The following VPS13C variants were observed in gnomAD, a reference collection of about 807,000 sequenced individuals.
VPS13C encodes the protein intermembrane lipid transfer protein VPS13C.
A neutral mutation model predicts 456.8 loss-of-function variants in VPS13C; 358 were observed. The ratio of observed to expected loss-of-function variants is 0.78; its 90% CI spans 0.72 to 0.86. The LOEUF (loss-of-function observed/expected upper bound fraction) is 0.86. Ranked by LOEUF, VPS13C falls within the 40% of genes least tolerant of loss-of-function variation. The pLI is 0.00. For synonymous variants in VPS13C, 1,578 were observed against 1,486.7 expected, an observed-to-expected ratio of 1.06 and a Z score of -1.41; for missense variants, 4,818 against 4,385.4, an observed-to-expected ratio of 1.10 and a Z score of -2.79.
Position 61,961,736 on chromosome 15 carries a change from T to G in VPS13C, c.3761A>C (p.Gln1254Pro). 1 of 1,614,040 alleles carries G rather than the reference T, an allele frequency of 6.2e-7. No individual in the cohort carries two copies. Among genetic ancestry groups the G allele is most frequent in the Non-Finnish European group, 8.5e-7 (1 of 1,179,956 alleles). Reference sequence around the variant, plus strand: ...TACTGCATTGGTGGAAATAGAAGACTGTGGGATGACTATAACCGGTGCTTT... The same window carrying G: ...TACTGCATTGGTGGAAATAGAAGACGGTGGGATGACTATAACCGGTGCTTT... ...DLKAPVIVIP[Q>P]SSISTNAVVV... The change falls in exon 35 of 85, where the codon CAG becomes CCG. Residue 1254 changes from glutamine (Q) to proline (P), a missense_variant. Transcript: ENST00000644861.
chr15:62,012,851 T>C (rs1175357251), intron 11 of VPS13C, among the ~76,000 whole-genome samples, 188 bp downstream of exon 11: 2 of 151,922 alleles, frequency 1.3e-5, no homozygotes, highest in Non-Finnish European at 2.9e-5. Flanking sequence ...TTCACAAACA[T>C]CTTCAAAAAC....
intron 24 of VPS13C, 43 bp downstream of exon 24, chr15:61,977,039 T>C: frequency 7.2e-7 from 1 of 1,382,542 alleles, no homozygotes; most frequent in South Asian, 1.2e-5. Flanking sequence ...GCAGACATAT[T>C]TCACCTGTTG....
At chr15:61,951,646 A>T (rs1400741243) in intron 39 of VPS13C, among the ~76,000 whole-genome samples, 178 bp downstream of exon 39, 1 of 152,230 alleles carries the variant, frequency 6.6e-6, no homozygotes, top group Non-Finnish European at 1.5e-5. Context: ...CTAATAAATT[A>T]ACCCAGCTTT....
At chr15:61,941,098 T>C (rs1366987457) in intron 46 of VPS13C, among the ~76,000 whole-genome samples, 1 of 152,198 alleles carries the variant, frequency 6.6e-6, no homozygotes, top group African/African-American at 2.4e-5. Flanking sequence ...AGCGAATAGT[T>C]TACTGTCATG....
At chr15:61,982,110 A>C (rs1325910123) in intron 21 of VPS13C, among the ~76,000 whole-genome samples, 1 of 152,210 alleles carries the variant, frequency 6.6e-6, no homozygotes, top group East Asian at 1.9e-4. Flanking sequence ...TTTAGAGGTC[A>C]TGTTATACAA....
intron 84 of VPS13C, 147 bp downstream of exon 84, chr15:61,854,724 A>T (rs894939274): frequency 2.1e-6 from 2 of 967,772 alleles, no homozygotes; most frequent in Admixed American, 2.5e-5. Flanking sequence ...CTTGCACCCG[A>T]CTGAGTCCAC....
At chr15:62,044,171 C>G (rs778799985) in intron 2 of VPS13C, 41 bp downstream of exon 2, 20 of 1,379,224 alleles carry the variant, frequency 1.5e-5, no homozygotes, top group South Asian at 2.6e-5. Flanking sequence ...AAGAACTTAC[C>G]AAATTAAGTG....
chr15:61,988,072 T>C (rs149548408), intron 18 of VPS13C, among the ~76,000 whole-genome samples: 2 of 152,168 alleles, frequency 1.3e-5, no homozygotes, highest in Non-Finnish European at 1.5e-5. Flanking sequence ...TACAGACACA[T>C]ACTCAACATG....
chr15:61,892,611 G>T (rs2042685392), intron 66 of VPS13C, among the ~76,000 whole-genome samples: 1 of 152,112 alleles, frequency 6.6e-6, no homozygotes, highest in Non-Finnish European at 1.5e-5. Context: ...AGAAACAACA[G>T]CAAGCAGGGA....
chr15:61,940,570 T>C (rs62007762), intron 47 of VPS13C, 77 bp downstream of exon 47: 37 of 1,384,522 alleles, frequency 2.7e-5, no homozygotes, highest in Admixed American at 1.3e-4. Context: ...TACATTCTGA[T>C]ATCCACTAGA....
intron 12 of VPS13C, among the ~76,000 whole-genome samples, chr15:62,011,642 G>C (rs1159724820): frequency 6.6e-6 from 1 of 151,932 alleles, no homozygotes; most frequent in Non-Finnish European, 1.5e-5. Context: ...CTTTGTTAGA[G>C]ATCCAGTTGT....
rs74949174 is a variant in VPS13C at position 61,883,217 on chromosome 15, T to G, written c.9484-481A>C. Among the ~76,000 whole-genome samples, 87 of 150,852 alleles carry G rather than the reference T, an allele frequency of 5.8e-4. 1 individual carries two copies. The highest frequency in any genetic ancestry group is 3.5e-3 in the Middle Eastern group (1 of 288). On this transcript the variant is annotated intron_variant, in intron 68 of 84. Transcript: ENST00000644861. Reference sequence around the variant, plus strand: ...AATTTTATTATCTTTTTTTTTTTTTTGTAGAGACAAGGTCTCACTATGTTG... The same window carrying G: ...AATTTTATTATCTTTTTTTTTTTTTGGTAGAGACAAGGTCTCACTATGTTG...
intron 61 of VPS13C, among the ~76,000 whole-genome samples, chr15:61,913,990 GATAA>G (rs1234016000): frequency 1.1e-4 from 16 of 152,134 alleles, no homozygotes; most frequent in South Asian, 6.2e-4. Flanking sequence ...GAGGTGAGAG[GATAA>G]ATAGTTTACT....
At chr15:61,986,387 A>G (rs1351390383) in intron 18 of VPS13C, among the ~76,000 whole-genome samples, 1 of 152,216 alleles carries the variant, frequency 6.6e-6, no homozygotes, top group Non-Finnish European at 1.5e-5. Flanking sequence ...TAAGAATTCA[A>G]TAAATGAGTT....
chr15:61,895,203 A>G (rs748735852), intron 66 of VPS13C, among the ~76,000 whole-genome samples: 1 of 152,166 alleles, frequency 6.6e-6, no homozygotes, highest in Non-Finnish European at 1.5e-5. Flanking sequence ...TACAGGATAC[A>G]GCAAAAGCAG....
At chr15:61,921,842 G>T in intron 55 of VPS13C, 105 bp downstream of exon 55, 1 of 1,118,014 alleles carries the variant, frequency 8.9e-7, no homozygotes, top group Non-Finnish European at 1.3e-6. Flanking sequence ...GCCCTTAAAA[G>T]GGCTTCAAGG....
intron 67 of VPS13C, among the ~76,000 whole-genome samples, chr15:61,888,235 A>G (rs1896409366): frequency 6.6e-6 from 1 of 152,216 alleles, no homozygotes; most frequent in Non-Finnish European, 1.5e-5. Flanking sequence ...ACTCCCATTT[A>G]TTGCTAGTGG....
chr15:61,889,224 A>G (rs1383657395), intron 67 of VPS13C, among the ~76,000 whole-genome samples: 1 of 152,120 alleles, frequency 6.6e-6, no homozygotes, highest in African/African-American at 2.4e-5. Flanking sequence ...AAAAGGGAAA[A>G]CTGGACCTAT....
chr15:61,901,259 T>C (rs1230802423), intron 66 of VPS13C, among the ~76,000 whole-genome samples: 3 of 152,002 alleles, frequency 2.0e-5, no homozygotes, highest in Non-Finnish European at 4.4e-5. Context: ...AATTGACAAA[T>C]GGGATCTAGT....
Sources: allele counts gnomAD v4.1 joint callset (sites outside exome capture counted in the v4.1 genomes callset), GRCh38; gene constraint gnomAD v4.1.1; transcripts MANE v1.5; gene names NCBI Gene and HGNC (gene_info 2026-07-23, HGNC 2026-07-21).